Variants in KCTD16 observed in about 807,000 individuals in gnomAD.
KCTD16 encodes the protein BTB/POZ domain-containing protein KCTD16.
In KCTD16, 13 loss-of-function variants were observed where a neutral mutation model predicts 33.2. The observed-to-expected ratio is 0.39, with a 90% CI of 0.25 to 0.62. The LOEUF (loss-of-function observed/expected upper bound fraction) is 0.62. Ranked by LOEUF, KCTD16 falls within the 20% of genes least tolerant of loss-of-function variation. The probability of loss-of-function intolerance (pLI) is 0.50; values close to 1 mark genes in which losing one functional copy is unlikely to be tolerated. For missense variants in KCTD16, 441 were observed against 525.1 expected (o/e 0.84, Z 1.57); for synonymous variants, 197 against 195.3 (o/e 1.01, Z -0.07).
At chr5:144,285,240 A>G (rs1755711611) in intron 3 of KCTD16, among the ~76,000 whole-genome samples, 1 of 152,250 alleles carries the variant, frequency 6.6e-6, no homozygotes, top group Non-Finnish European at 1.5e-5. Flanking sequence ...CTGGGAACCT[A>G]AAATTAGTTT....
At chr5:144,252,520 C>T (rs1378870239) in intron 3 of KCTD16, among the ~76,000 whole-genome samples, 3 of 152,058 alleles carry the variant, frequency 2.0e-5, no homozygotes, top group Non-Finnish European at 4.4e-5. Context: ...AATGTCACTT[C>T]CCTAGAAAAA....
At chr5:144,400,802 T>C (rs955183595) in intron 3 of KCTD16, among the ~76,000 whole-genome samples, 1 of 152,100 alleles carries the variant, frequency 6.6e-6, no homozygotes, top group African/African-American at 2.4e-5. Context: ...CAAATTCAGA[T>C]TGGGCAATCA....
intron 3 of KCTD16, among the ~76,000 whole-genome samples, chr5:144,347,808 T>TG (rs1752845809): frequency 6.6e-6 from 1 of 152,116 alleles, no homozygotes; most frequent in African/African-American, 2.4e-5. Context: ...CTTTCTCATC[T>TG]GGGGGGATCT....
At chr5:144,464,693 C>CTCTTCTTCCTCCTCCTCTTCTTCT (rs1754277968) in intron 3 of KCTD16, among the ~76,000 whole-genome samples, 1 of 137,340 alleles carries the variant, frequency 7.3e-6, no homozygotes. Context: ...CCTCTTACTC[C>CTCTTCTTCCTCCTCCTCTTCTTCT]TCTTCTTCCT....
At chr5:144,434,995 T>C (rs569450799) in intron 3 of KCTD16, among the ~76,000 whole-genome samples, 6 of 152,250 alleles carry the variant, frequency 3.9e-5, no homozygotes, top group African/African-American at 1.2e-4. Flanking sequence ...GGAAGGGAGC[T>C]AGAAGATGTG....
intron 3 of KCTD16, among the ~76,000 whole-genome samples, chr5:144,436,740 G>A (rs762763181): frequency 2.0e-5 from 3 of 151,378 alleles, no homozygotes; most frequent in Non-Finnish European, 2.9e-5. Context: ...GGAGCATGCC[G>A]CCACGCCCAG....
intron 3 of KCTD16, among the ~76,000 whole-genome samples, chr5:144,466,347 TC>T (rs1369685910): frequency 1.3e-5 from 2 of 151,804 alleles, no homozygotes; most frequent in Non-Finnish European, 2.9e-5. Context: ...ATACAAGATG[TC>T]CCACACATCA....
chr5:144,219,736 T>C (rs1168015712), intron 3 of KCTD16, among the ~76,000 whole-genome samples: 2 of 151,668 alleles, frequency 1.3e-5, no homozygotes, highest in African/African-American at 4.8e-5. Flanking sequence ...GTCAGTCTGG[T>C]CTCGAGCTCC....
At chr5:144,296,835 T>C (rs1234498244) in intron 3 of KCTD16, among the ~76,000 whole-genome samples, 1 of 152,242 alleles carries the variant, frequency 6.6e-6, no homozygotes, top group African/African-American at 2.4e-5. Flanking sequence ...CCCCACCTTT[T>C]GTACCTGGGC....
intron 2 of KCTD16, among the ~76,000 whole-genome samples, chr5:144,179,359 C>G (rs532923709): frequency 8.1e-4 from 123 of 152,314 alleles, no homozygotes; most frequent in African/African-American, 2.7e-3. Flanking sequence ...TCCCCCTCCC[C>G]CCATGGGAAC....
chr5:144,407,288 G>A (rs1752830640), intron 3 of KCTD16, among the ~76,000 whole-genome samples: 1 of 149,888 alleles, frequency 6.7e-6, no homozygotes, highest in Non-Finnish European at 1.5e-5. Context: ...GCTTCACTTA[G>A]GGTTTCTTTA....
In KCTD16 at chr5:144,476,989, T is replaced by C. The variant is rs933642403; in HGVS notation, c.*2875T>C. 1 of 152,118 alleles carries C rather than the reference T, an allele frequency of 6.6e-6. No individual in the cohort carries two copies. Among genetic ancestry groups the C allele is most frequent in the African/African-American group, 2.4e-5 (1 of 41,432 alleles). 9.4% of individuals were successfully genotyped at this position (152,118 alleles called of 1,614,324 possible). A position where few individuals can be genotyped will look rare whatever the true frequency, so the allele number is the denominator to read the frequency against. ...TTGAGTGGATACAATGAATGGGGAA[T>C]CACATGTGTAGAGCCCCAACTTAGA... is the stretch of plus-strand genomic sequence containing the variant. On this transcript the variant is annotated 3_prime_UTR_variant, in exon 4 of 4. Coordinates refer to ENST00000512467, the MANE Select transcript of KCTD16 (RefSeq NM_020768.4).
intron 3 of KCTD16, among the ~76,000 whole-genome samples, chr5:144,445,477 C>T (rs1366049266): frequency 6.6e-6 from 1 of 151,996 alleles, no homozygotes; most frequent in Non-Finnish European, 1.5e-5. Flanking sequence ...CTTATAACAT[C>T]CTTGTATGGA....
intron 3 of KCTD16, chr5:144,377,740 C>A (rs755555548): frequency 3.9e-5 from 6 of 152,160 alleles, no homozygotes; most frequent in Non-Finnish European, 7.3e-5. Flanking sequence ...TGTGTCATTT[C>A]AGGTTCACTA....
At chr5:144,340,868 G>T (rs780251365) in intron 3 of KCTD16, among the ~76,000 whole-genome samples, 10 of 148,776 alleles carry the variant, frequency 6.7e-5, no homozygotes, top group Non-Finnish European at 1.3e-4. Context: ...TGACCAACAT[G>T]GTGAAACCCC....
rs1754573550 is a variant in KCTD16, at chr5:144,475,435, T to C, written c.*1321T>C. The stretch of plus-strand genomic sequence containing the variant: ...AGATTTCTAAATGAAACTATCTTTT[T>C]CAATTACATCCTGACTTGTATAGAC... On this transcript the variant is annotated 3_prime_UTR_variant, in exon 4 of 4. Coordinates refer to ENST00000512467, the MANE Select transcript of KCTD16 (RefSeq NM_020768.4). 6.6e-6 allele frequency: 1 copy of C among 152,446 alleles called. No individual in the cohort carries two copies. Among genetic ancestry groups the C allele is most frequent in the South Asian group, 2.1e-4 (1 of 4,832 alleles). 9.4% of individuals were successfully genotyped at this position (152,446 alleles called of 1,614,324 possible). A position where few individuals can be genotyped will look rare whatever the true frequency, so the allele number is the denominator to read the frequency against.
intron 2 of KCTD16, among the ~76,000 whole-genome samples, chr5:144,195,237 A>G (rs1465424297): frequency 6.6e-6 from 1 of 152,206 alleles, no homozygotes; most frequent in Non-Finnish European, 1.5e-5. Context: ...CATTGATGCT[A>G]TATGTGCCTT....
intron 3 of KCTD16, among the ~76,000 whole-genome samples, chr5:144,326,246 A>G (rs894800991): frequency 5.3e-5 from 8 of 152,152 alleles, no homozygotes; most frequent in African/African-American, 1.9e-4. Context: ...CATCTCTAAC[A>G]TGGATGCCTA....
At chr5:144,429,290 A>C (rs1334045186) in intron 3 of KCTD16, among the ~76,000 whole-genome samples, 1 of 152,168 alleles carries the variant, frequency 6.6e-6, no homozygotes, top group African/African-American at 2.4e-5. Flanking sequence ...AAAGATTGGG[A>C]GGATACTGGC....
Sources: gnomAD v4.1 joint callset for allele counts (sites outside exome capture counted in the v4.1 genomes callset) on GRCh38, gnomAD v4.1.1 for gene constraint, MANE v1.5 for transcripts, NCBI Gene and HGNC (gene_info 2026-07-23, HGNC 2026-07-21) for gene names.